Variants in SEMA4G observed in about 807,000 individuals in gnomAD.
SEMA4G encodes the protein semaphorin-4G.
A neutral mutation model predicts 81.2 loss-of-function variants in SEMA4G; 59 were observed. The observed-to-expected ratio is 0.73, with a 90% confidence interval of 0.59 to 0.90. The LOEUF (loss-of-function observed/expected upper bound fraction) is 0.90. Among genes scored for constraint, SEMA4G ranks in the 40% least tolerant of loss-of-function variants. The pLI, the probability that SEMA4G is intolerant of heterozygous loss-of-function variation, is 0.00. For missense variants in SEMA4G, 952 were observed against 1,102.3 expected (o/e 0.86, Z 1.93); for synonymous variants, 404 against 433.9 (o/e 0.93, Z 0.86).
At chr10:100,976,129 CAA>C (rs1359023586) in intron 3 of SEMA4G, among the ~76,000 whole-genome samples, 1 of 151,888 alleles carries the variant, frequency 6.6e-6, no homozygotes, top group Admixed American at 6.6e-5. Context: ...GGAGGAGACA[CAA>C]AGAGGCCTGT....
exon 14 of SEMA4G, chr10:100,984,574 A>T (rs11591349): frequency 0.41 from 628,299 of 1,535,904 alleles, 135,362 homozygotes; most frequent in Middle Eastern, 0.47. Context: ...ACCAGACAAG[A>T]CCTCTGCCAG....
chr10:100,971,456 G>A (rs1053100409), upstream of SEMA4G, among the ~76,000 whole-genome samples: 2 of 152,146 alleles, frequency 1.3e-5, no homozygotes, highest in Non-Finnish European at 2.9e-5. Flanking sequence ...TACCCCTCAG[G>A]GCTCTGCCCC....
At chr10:100,980,585 C>G in exon 11 of SEMA4G, 1 of 1,613,768 alleles carries the variant, frequency 6.2e-7, no homozygotes, top group South Asian at 1.1e-5. Flanking sequence ...CAGCTGATGG[C>G]TGGATCCACA....
At chr10:100,981,612 G>T in intron 13 of SEMA4G, 1 of 1,563,386 alleles carries the variant, frequency 6.4e-7, no homozygotes, top group Non-Finnish European at 8.8e-7. Flanking sequence ...GCCAGACACT[G>T]ATCTAAATAC....
intron 8 of SEMA4G, 174 bp downstream of exon 9, chr10:100,979,445 C>T (rs1850950925): frequency 2.7e-6 from 4 of 1,489,934 alleles, no homozygotes; most frequent in South Asian, 1.3e-5. Flanking sequence ...TGCAGTGGCG[C>T]GATCTCGGCT....
exon 14 of SEMA4G, chr10:100,984,138 C>A: frequency 6.3e-7 from 1 of 1,597,806 alleles, no homozygotes. Context: ...CTGAGCCCAG[C>A]CTCCCAGAAC....
chr10:100,979,245 T>C (rs759995340), exon 8 of SEMA4G: 2 of 1,614,112 alleles, frequency 1.2e-6, no homozygotes, highest in African/African-American at 1.3e-5. Context: ...CACACTTCTA[T>C]GCAGCCTTCA....
At chr10:100,978,212 C>A in intron 4 of SEMA4G, 83 bp from the exon 6 acceptor site, 2 of 981,234 alleles carry the variant, frequency 2.0e-6, no homozygotes, top group East Asian at 2.6e-5. Context: ...GATCGCTGAT[C>A]CCTGACCCCA....
chr10:100,972,791 T>C lies in SEMA4G; in HGVS notation c.-122T>C, dbSNP rs1304369840. The C allele has an allele frequency of 4.7e-6, 5 of 1,074,984 alleles. No individual in the cohort carries two copies. The African/African-American group carries it at 6.4e-5, about 14-fold the overall frequency. The allele number at this position is 1,074,984 out of a possible 1,614,324, so 66.6% of individuals were successfully genotyped here. ...TTGACTCCTATGACCTTATGACCCC[T>C]GACCTTCCAAGTGACTTCCTTGGAC... On this transcript the variant is annotated 5_prime_UTR_variant, in exon 1 of 14. Transcript: ENST00000370250.
At chr10:100,981,106 C>T (rs1181909198) in intron 12 of SEMA4G, 62 bp from the exon 14 acceptor site, 4 of 1,609,124 alleles carry the variant, frequency 2.5e-6, no homozygotes, top group South Asian at 2.2e-5. Context: ...ACCTATCTAC[C>T]CTTTCACTGG....
chr10:100,970,368 A>T (rs1045479211), upstream of SEMA4G, among the ~76,000 whole-genome samples: 1 of 151,852 alleles, frequency 6.6e-6, no homozygotes, highest in East Asian at 1.9e-4. Context: ...TCCCACCTTT[A>T]GAACCGCAAT....
intron 3 of SEMA4G, among the ~76,000 whole-genome samples, chr10:100,975,680 A>C (rs1850751903): frequency 6.6e-6 from 1 of 152,184 alleles, no homozygotes; most frequent in Non-Finnish European, 1.5e-5. Context: ...ACATGGTGAA[A>C]CCCTGTGTCT....
At chr10:100,971,116 ATGTGTG>A (rs10563529), upstream of SEMA4G, among the ~76,000 whole-genome samples, 14 of 151,414 alleles carry the variant, frequency 9.2e-5, no homozygotes, top group East Asian at 3.9e-4. Flanking sequence ...CCTTGTGAAC[ATGTGTG>A]TGTGTGTGTG....
intron 4 of SEMA4G, chr10:100,978,020 T>C (rs1850876935): frequency 1.8e-6 from 1 of 571,138 alleles, no homozygotes; most frequent in African/African-American, 1.9e-5. Context: ...GGACAGCATG[T>C]GTTCCACAGG....
exon 14 of SEMA4G, chr10:100,984,053 C>T (rs776432076): frequency 5.6e-6 from 9 of 1,613,724 alleles, no homozygotes; most frequent in South Asian, 5.5e-5. Flanking sequence ...CCTGCTCCTT[C>T]GCCGAGGAAC....
exon 13 of SEMA4G, chr10:100,981,211 G>A (rs781378063): frequency 6.2e-7 from 1 of 1,614,246 alleles, no homozygotes; most frequent in Non-Finnish European, 8.5e-7. Context: ...TCGAGGCTGT[G>A]AGAGCAGCAG....
chr10:100,977,760 T>C (rs753249018), intron 4 of SEMA4G, 30 bp downstream of exon 5: 3 of 1,541,180 alleles, frequency 1.9e-6, no homozygotes, highest in Non-Finnish European at 1.8e-6. Flanking sequence ...GCCAGATCTC[T>C]GTTGACTTCA....
chr10:100,983,794 T>A, exon 14 of SEMA4G: 2 of 1,606,678 alleles, frequency 1.2e-6, no homozygotes, highest in South Asian at 2.2e-5. Flanking sequence ...GCGGTGCAAC[T>A]GCAGACAGTC....
exon 1 of SEMA4G, chr10:100,972,790 C>T: frequency 9.3e-7 from 1 of 1,071,430 alleles, no homozygotes; most frequent in South Asian, 1.6e-5. Flanking sequence ...CTTATGACCC[C>T]TGACCTTCCA....
Sources: allele counts gnomAD v4.1 joint callset (sites outside exome capture counted in the v4.1 genomes callset), GRCh38; gene constraint gnomAD v4.1.1; transcripts MANE v1.5; gene names NCBI Gene and HGNC (gene_info 2026-07-23, HGNC 2026-07-21).